Variants in TAF1B observed in about 807,000 individuals in gnomAD.
TAF1B encodes the protein TATA-box binding protein associated factor, RNA polymerase I subunit B.
In TAF1B, 61 loss-of-function variants were observed where a neutral mutation model predicts 83.9. The ratio of observed to expected loss-of-function variants is 0.73; its 90% CI spans 0.59 to 0.90. The LOEUF (loss-of-function observed/expected upper bound fraction) is 0.90, where lower values mean the gene tolerates loss of function less well. TAF1B is among the 40% of genes least tolerant of loss of function. The pLI is 0.00. For synonymous variants in TAF1B, 221 were observed against 224.6 expected (o/e 0.98, Z 0.14); for missense variants, 625 against 677.0 (o/e 0.92, Z 0.85).
chr2:9,891,171 T>A (rs1244184919), intron 8 of TAF1B, among the ~76,000 whole-genome samples: 1 of 152,216 alleles, frequency 6.6e-6, no homozygotes, highest in Non-Finnish European at 1.5e-5. Flanking sequence ...AAGATTGTAA[T>A]GGAGCTGAAA....
intron 8 of TAF1B, among the ~76,000 whole-genome samples, chr2:9,890,792 C>T (rs559990052): frequency 7.2e-5 from 11 of 151,978 alleles, no homozygotes; most frequent in Admixed American, 3.9e-4. Context: ...TTTTTGGGGA[C>T]GGAGTTTCCC....
At chr2:9,845,942 CACT>C in intron 2 of TAF1B, 1 of 384,606 alleles carries the variant, frequency 2.6e-6, no homozygotes, top group Admixed American at 3.1e-5. Flanking sequence ...GAGATCACGC[CACT>C]GTACTCCAGC....
chr2:9,882,700 A>G lies in TAF1B; in HGVS notation c.708-6A>G. The G allele has an allele frequency of 1.3e-6, 2 of 1,592,628 alleles. No homozygotes were observed. Among genetic ancestry groups the G allele is most frequent in the Non-Finnish European group, 1.7e-6 (2 of 1,170,034 alleles). On this transcript the variant is annotated splice_region_variant and splice_polypyrimidine_tract_variant and intron_variant, in intron 7 of 14. Transcript: ENST00000263663. ...TCATTAAACCTTTTTCTTTTTAAAA[A>G]TACAGGTTTGTTGAAGAGGACCATA...
intron 7 of TAF1B, among the ~76,000 whole-genome samples, chr2:9,878,825 A>T (rs1168933780): frequency 6.6e-6 from 1 of 152,210 alleles, no homozygotes; most frequent in Non-Finnish European, 1.5e-5. Flanking sequence ...CATTGCAGTT[A>T]ATGGCAAAAA....
chr2:9,858,991 A>G (rs1310974304), intron 5 of TAF1B, among the ~76,000 whole-genome samples: 2 of 152,050 alleles, frequency 1.3e-5, no homozygotes, highest in Non-Finnish European at 2.9e-5. Context: ...ACTAATGCAA[A>G]TTTCTATAGC....
At chr2:9,905,027 G>T (rs769573624) in intron 9 of TAF1B, 21 bp downstream of exon 9, 9 of 1,597,440 alleles carry the variant, frequency 5.6e-6, no homozygotes, top group Non-Finnish European at 7.7e-6. Flanking sequence ...GACATATATT[G>T]TGGGGACACT....
At chr2:9,863,706 TC>T (rs1210841042) in intron 5 of TAF1B, among the ~76,000 whole-genome samples, 1 of 152,142 alleles carries the variant, frequency 6.6e-6, no homozygotes, top group Non-Finnish European at 1.5e-5. Flanking sequence ...AGTAAAGCAC[TC>T]CTTAGCAAAT....
chr2:9,846,716 T>C (rs1663218283), intron 2 of TAF1B, among the ~76,000 whole-genome samples: 1 of 152,266 alleles, frequency 6.6e-6, no homozygotes. Context: ...GCTGGAATGC[T>C]TATCTCTGCT....
At chr2:9,885,535 G>C (rs547483278) in intron 8 of TAF1B, among the ~76,000 whole-genome samples, 1 of 152,306 alleles carries the variant, frequency 6.6e-6, no homozygotes, top group South Asian at 2.1e-4. Context: ...CAACTTGAGT[G>C]GGAGCAATTC....
At chr2:9,913,331 G>C in intron 12 of TAF1B, 82 bp downstream of exon 12, 1 of 1,113,502 alleles carries the variant, frequency 9.0e-7, no homozygotes, top group Non-Finnish European at 1.3e-6. Flanking sequence ...AGCTTCATCA[G>C]TATACACTTA....
chr2:9,913,877 TTTG>T (rs1406695950), intron 12 of TAF1B, among the ~76,000 whole-genome samples: 1 of 152,182 alleles, frequency 6.6e-6, no homozygotes, highest in Non-Finnish European at 1.5e-5. Context: ...TACTTAACCT[TTTG>T]CTGAGTCTGA....
At chr2:9,895,162 G>A (rs386355) in intron 8 of TAF1B, among the ~76,000 whole-genome samples, 42,491 of 152,184 alleles carry the variant, frequency 0.28, 6,922 homozygotes, top group Middle Eastern at 0.4. Flanking sequence ...ATAAAGCAAT[G>A]TGTTCACCAC....
Position 9,914,787 on chromosome 2 carries a change from TGAG to T in TAF1B, c.1271+1540_1271+1542del, listed in dbSNP as rs1264264478. 2.6e-5 allele frequency among the ~76,000 whole-genome samples: 4 copies of T among 152,138 alleles called. No homozygotes were observed. The highest frequency in any genetic ancestry group is 6.5e-5 in the Admixed American group (1 of 15,268). On this transcript the variant is annotated intron_variant, in intron 12 of 14. Transcript: ENST00000263663. The surrounding 1 kb of genome is among the most constrained non-coding windows in gnomAD (Gnocchi z 4.3). ...AGGTCCTTCTTCCTAGAGTATGTGC[TGAG>T]GGCTGACACACACGTGCAGTGTGAG...
At chr2:9,920,458 T>G (rs4668651) in intron 14 of TAF1B, among the ~76,000 whole-genome samples, 26,274 of 151,770 alleles carry the variant, frequency 0.17, 2,354 homozygotes, top group East Asian at 0.29. Context: ...TACACAATGT[T>G]TCTGAGTATG....
chr2:9,918,430 G>A (rs1376993475), intron 12 of TAF1B, among the ~76,000 whole-genome samples: 1 of 152,156 alleles, frequency 6.6e-6, no homozygotes, highest in East Asian at 1.9e-4. Flanking sequence ...AACCCCAAGA[G>A]CCAGAGCAAT....
At chr2:9,863,285 G>T (rs990731222) in intron 5 of TAF1B, among the ~76,000 whole-genome samples, 5 of 152,158 alleles carry the variant, frequency 3.3e-5, no homozygotes, top group Admixed American at 3.3e-4. Flanking sequence ...AAAAAAGGCA[G>T]GGGTTGTAAT....
intron 7 of TAF1B, among the ~76,000 whole-genome samples, chr2:9,881,737 A>G (rs890022685): frequency 1.2e-4 from 18 of 152,256 alleles, no homozygotes; most frequent in Admixed American, 2.6e-4. Context: ...TTGTTAAATT[A>G]ATGAATCCTA....
At position 9,904,920 on chromosome 2, in the gene TAF1B, T is replaced by G. The variant is rs1283662420; in HGVS notation, c.869T>G (p.Leu290Trp). The G allele has an allele frequency of 6.2e-7, 1 of 1,611,632 alleles. No individual in the cohort carries two copies. The highest frequency in any genetic ancestry group is 1.3e-5 in the African/African-American group (1 of 74,886). Residue 290 changes from leucine (L) to tryptophan (W), a missense_variant, in exon 9 of 15, where the codon TTG (leucine) becomes TGG (tryptophan). Coordinates refer to ENST00000263663, the MANE Select transcript of TAF1B (RefSeq NM_005680.3). Reference sequence around the variant, plus strand: ...GTAGAAGTTGGAACATTTTTAGATTTGCCTCGTTTTCCAGACATAACTGAA... The same window carrying G: ...GTAGAAGTTGGAACATTTTTAGATTGGCCTCGTTTTCCAGACATAACTGAA... ...KTVEVGTFLDLPRFPDITEDC... is the reference protein window; with the variant it reads ...KTVEVGTFLDWPRFPDITEDC...
chr2:9,886,827 G>A (rs1241839702), intron 8 of TAF1B, among the ~76,000 whole-genome samples: 1 of 152,206 alleles, frequency 6.6e-6, no homozygotes, highest in African/African-American at 2.4e-5. Context: ...AGCACTTTGG[G>A]AGGCCGAGGC....
Sources: allele counts gnomAD v4.1 joint callset (sites outside exome capture counted in the v4.1 genomes callset), GRCh38; gene constraint gnomAD v4.1.1; non-coding constraint Gnocchi (gnomAD v3.1); transcripts MANE v1.5; gene names NCBI Gene and HGNC (gene_info 2026-07-23, HGNC 2026-07-21).